The following METTL21A variants were observed in gnomAD, a reference collection of about 807,000 sequenced individuals.
METTL21A encodes protein N-lysine methyltransferase METTL21A.
Under a neutral mutation model 20.9 loss-of-function variants are expected in METTL21A, and 22 were observed. The observed-to-expected ratio is 1.05, with a 90% CI of 0.75 to 1.50. METTL21A has a LOEUF of 1.50. METTL21A is among the 40% of genes most tolerant of loss of function. The probability of loss-of-function intolerance (pLI) is 0.00; values close to 1 mark genes in which losing one functional copy is unlikely to be tolerated. For synonymous variants in METTL21A, 93 were observed against 102.0 expected, an observed-to-expected ratio of 0.91 and a Z score of 0.53; for missense variants, 271 against 266.8, an observed-to-expected ratio of 1.02 and a Z score of -0.11.
chr2:207,613,938 T>C (rs978782673), intron 3 of METTL21A, among the ~76,000 whole-genome samples: 1 of 152,100 alleles, frequency 6.6e-6, no homozygotes, highest in Non-Finnish European at 1.5e-5. Context: ...GCCACTGCAC[T>C]CCAGCCTGGG....
downstream of METTL21A, among the ~76,000 whole-genome samples, chr2:207,607,982 C>T (rs1233305638): frequency 6.6e-6 from 1 of 152,074 alleles, no homozygotes; most frequent in Admixed American, 6.6e-5. Context: ...TCTCCTCTCA[C>T]ACACACCCCA....
downstream of METTL21A, among the ~76,000 whole-genome samples, chr2:207,605,019 A>G (rs1420544085): frequency 6.6e-6 from 1 of 152,180 alleles, no homozygotes; most frequent in African/African-American, 2.4e-5. Context: ...TAATGTTCAT[A>G]GTGCTGTTAT....
intron 3 of METTL21A, among the ~76,000 whole-genome samples, chr2:207,619,782 A>G (rs2090258072): frequency 6.7e-6 from 1 of 150,200 alleles, no homozygotes; most frequent in South Asian, 2.1e-4. Context: ...AAAAGCAGTT[A>G]CTCAGAGAGT....
intron 3 of METTL21A, among the ~76,000 whole-genome samples, chr2:207,591,579 T>C (rs1485328779): frequency 6.6e-6 from 1 of 152,068 alleles, no homozygotes. Context: ...ATTACAGGTG[T>C]GCGCCACCAC....
chr2:207,623,092 T>C (rs1180228891), intron 2 of METTL21A, among the ~76,000 whole-genome samples: 2 of 152,072 alleles, frequency 1.3e-5, no homozygotes, highest in African/African-American at 2.4e-5. Context: ...TCAGTAGAGA[T>C]GGAGTTTCGC....
exon 4 of METTL21A, chr2:207,612,906 C>T (rs1575115022): frequency 1.6e-5 from 13 of 828,428 alleles, no homozygotes; most frequent in Middle Eastern, 3.7e-4. Flanking sequence ...TGTTTTAAAA[C>T]TGCACATGTG....
intron 3 of METTL21A, among the ~76,000 whole-genome samples, chr2:207,603,689 A>C (rs1378266907): frequency 6.6e-6 from 1 of 152,148 alleles, no homozygotes; most frequent in African/African-American, 2.4e-5. Flanking sequence ...ACTAATGGAG[A>C]CATACGACCA....
At chr2:207,602,490 T>C (rs1428450341) in intron 3 of METTL21A, 1 of 204,356 alleles carries the variant, frequency 4.9e-6, no homozygotes, top group African/African-American at 2.3e-5. Flanking sequence ...CTAACATTAC[T>C]TGCCTATAGA....
intron 3 of METTL21A, among the ~76,000 whole-genome samples, chr2:207,586,590 G>A (rs548568157): frequency 6.6e-6 from 1 of 152,266 alleles, no homozygotes; most frequent in South Asian, 2.1e-4. Flanking sequence ...AAAAGCTTCT[G>A]AACAGCAAAG....
chr2:207,603,209 ATG>A (rs2087407561), intron 3 of METTL21A: 1 of 216,712 alleles, frequency 4.6e-6, no homozygotes, highest in African/African-American at 2.2e-5. Flanking sequence ...AAAGAAAAAA[ATG>A]TACTGAGTTA....
At chr2:207,611,022 C>G (rs1229117360), downstream of METTL21A, 1 of 906 alleles carries the variant, frequency 1.1e-3, no homozygotes, top group African/African-American at 1.2e-3. Flanking sequence ...TGAGGGGCGC[C>G]TCTGCCCGGC....
chr2:207,587,420 AAC>A (rs1308977338), intron 3 of METTL21A, among the ~76,000 whole-genome samples: 2 of 152,000 alleles, frequency 1.3e-5, no homozygotes, highest in Non-Finnish European at 1.5e-5. Context: ...AAAAGAAAAA[AAC>A]ACACAAAAAA....
chr2:207,586,549 A>G (rs2083874535), intron 3 of METTL21A, among the ~76,000 whole-genome samples: 1 of 152,214 alleles, frequency 6.6e-6, no homozygotes, highest in East Asian at 1.9e-4. Context: ...AGCAACAAAA[A>G]GAAAAATAGT....
downstream of METTL21A, among the ~76,000 whole-genome samples, chr2:207,606,786 G>A (rs758423638): frequency 3.3e-5 from 5 of 152,162 alleles, no homozygotes; most frequent in Admixed American, 1.3e-4. Flanking sequence ...ATTATATAGT[G>A]ATTTTTTAAA....
chr2:207,622,041 C>A, intron 2 of METTL21A, 124 bp from the exon 3 acceptor site: 1 of 776,620 alleles, frequency 1.3e-6, no homozygotes, highest in Non-Finnish European at 2.2e-6. Context: ...TAACAACACA[C>A]ACAGGAACTT....
At chr2:207,615,489 A>G (rs1162347583) in intron 3 of METTL21A, among the ~76,000 whole-genome samples, 1 of 152,096 alleles carries the variant, frequency 6.6e-6, no homozygotes, top group Non-Finnish European at 1.5e-5. Flanking sequence ...TAAGGTCAAG[A>G]GATCGAGACT....
exon 3 of METTL21A, chr2:207,621,885 T>C: frequency 2.5e-6 from 4 of 1,614,026 alleles, no homozygotes; most frequent in Non-Finnish European, 3.4e-6. Flanking sequence ...GCTCCACAGC[T>C]CCCATCTCCA....
chr2:207,588,753 G>A (rs1179346056), intron 3 of METTL21A, among the ~76,000 whole-genome samples: 3 of 150,106 alleles, frequency 2.0e-5, no homozygotes, highest in Admixed American at 2.0e-4. Context: ...GTGTGTGGGG[G>A]TGGGGGGACA....
intron 3 of METTL21A, chr2:207,596,774 T>C (rs1362473898): frequency 9.0e-6 from 9 of 1,001,226 alleles, no homozygotes; most frequent in African/African-American, 3.4e-5. Flanking sequence ...AGTAATTCTG[T>C]ATATCTTTTC....
Sources: gnomAD v4.1 joint callset for allele counts (sites outside exome capture counted in the v4.1 genomes callset) on GRCh38, gnomAD v4.1.1 for gene constraint, MANE v1.5 for transcripts, NCBI Gene and HGNC (gene_info 2026-07-23, HGNC 2026-07-21) for gene names.